The following TEX14 variants were observed in gnomAD, a reference collection of about 807,000 sequenced individuals.
The protein encoded by TEX14 is inactive serine/threonine-protein kinase TEX14.
Under a neutral mutation model 178.6 loss-of-function variants are expected in TEX14, and 168 were observed. The ratio of observed to expected loss-of-function variants is 0.94; its 90% CI spans 0.83 to 1.07. The LOEUF (loss-of-function observed/expected upper bound fraction) is 1.07. Among genes scored for constraint, TEX14 ranks in the 50% least tolerant of loss-of-function variants. The probability of loss-of-function intolerance (pLI) is 0.00; values close to 1 mark genes in which losing one functional copy is unlikely to be tolerated. For missense variants in TEX14, 1,730 were observed against 1,753.6 expected (o/e 0.99, Z 0.24); for synonymous variants, 626 against 634.1 (o/e 0.99, Z 0.19).
At chr17:58,588,455 G>A (rs537166697) in intron 15 of TEX14, among the ~76,000 whole-genome samples, 28 of 152,150 alleles carry the variant, frequency 1.8e-4, no homozygotes, top group East Asian at 1.4e-3. Context: ...CACCATGCCC[G>A]GCTAGTTTTT....
rs200084926 is a variant in TEX14, at chr17:58,635,434, T to TTA, written c.137-4881_137-4880insTA. On this transcript the variant is annotated intron_variant, in intron 2 of 31. Coordinates refer to ENST00000349033, the MANE Select transcript of TEX14 (RefSeq NM_031272.5). ...GGCCTCCAAGGGCTTCTCTCTTTTT[T>TTA]TTTTTTTTTTTTTGAGACAGAGTCT... Among the ~76,000 whole-genome samples the TTA allele has an allele frequency of 2.3e-3, 348 of 150,566 alleles. 16 individuals carry two copies. In the East Asian group the frequency reaches 0.056, roughly 24 times the overall value.
intron 11 of TEX14, among the ~76,000 whole-genome samples, chr17:58,603,040 T>G (rs2045500379): frequency 6.6e-6 from 1 of 151,186 alleles, no homozygotes; most frequent in African/African-American, 2.4e-5. Context: ...CACTCCAGCC[T>G]AGCAACAAAA....
chr17:58,633,750 C>A (rs540772607), intron 2 of TEX14, among the ~76,000 whole-genome samples: 1 of 152,094 alleles, frequency 6.6e-6, no homozygotes, highest in Non-Finnish European at 1.5e-5. Flanking sequence ...AGGTGAATCA[C>A]AAGGTCAGGA....
At chr17:58,642,547 T>A (rs900704995) in intron 2 of TEX14, among the ~76,000 whole-genome samples, 10 of 151,792 alleles carry the variant, frequency 6.6e-5, no homozygotes, top group South Asian at 2.1e-4. Flanking sequence ...TTTTTTTTTT[T>A]ATGGAGTTTC....
chr17:58,573,255 G>T lies in TEX14; in HGVS notation c.3437C>A (p.Ser1146Tyr), dbSNP rs748214170. The T allele has an allele frequency of 6.2e-7, 1 of 1,614,110 alleles. No homozygotes were observed. The highest frequency in any genetic ancestry group is 1.1e-5 in the South Asian group (1 of 91,072). The change falls in exon 23 of 32, where the codon TCT becomes TAT. Residue 1146 changes from serine (S) to tyrosine (Y), a missense_variant. Transcript: ENST00000349033. ...LSSISYEPDS[S>Y]FKEASCKTPK... Reference sequence around the variant, plus strand: ...TGTTTTGCATGAAGCTTCCTTAAAAGAGCTGTCTGGTTCATAGGAGATACT... The same window carrying T: ...TGTTTTGCATGAAGCTTCCTTAAAATAGCTGTCTGGTTCATAGGAGATACT...
Position 58,579,707 on chromosome 17 carries a change from A to C in TEX14, c.3196T>G (p.Phe1066Val). 1 of 1,614,052 alleles carries C rather than the reference A, an allele frequency of 6.2e-7. No individual in the cohort carries two copies. Among genetic ancestry groups the C allele is most frequent in the South Asian group, 1.1e-5 (1 of 91,058 alleles). ...GCAAATGCACCTTGTATTCCTTCAA[A>C]GTCCTCTTCTATGGGACTCGAGGTC... is the stretch of plus-strand genomic sequence containing the variant. ...YSTSSPIEED[F>V]EGIQGAFAQP... Residue 1066 changes from phenylalanine to valine, a missense_variant, in exon 20 of 32, where the codon TTT (phenylalanine) becomes GTT (valine). Physicochemically the swap from Phe to Val is conservative, Grantham distance 50 (BLOSUM62 -1). Around this residue, in one of 2 missense-constraint regions of TEX14, gnomAD observed 941 missense variants for 1,072.4 expected, o/e 0.88. Coordinates refer to ENST00000349033, the MANE Select transcript of TEX14 (RefSeq NM_031272.5).
chr17:58,564,976 C>A lies in TEX14; in HGVS notation c.3965-8G>T. 6.6e-7 allele frequency: 1 copy of A among 1,526,346 alleles called. No homozygotes were observed. 94.6% of individuals were successfully genotyped at this position (1,526,346 alleles called of 1,614,324 possible). On this transcript the variant is annotated splice_polypyrimidine_tract_variant and splice_region_variant and intron_variant, in intron 27 of 31. Coordinates refer to ENST00000349033, the MANE Select transcript of TEX14 (RefSeq NM_031272.5). ...CTTCTAAGTGCCTTTGATCTAAAAA[C>A]AGTTGAAAGAATTAACTTTATTAGA... is the stretch of plus-strand genomic sequence containing the variant.
At chr17:58,626,594 C>G (rs1272214000) in intron 3 of TEX14, among the ~76,000 whole-genome samples, 1 of 139,272 alleles carries the variant, frequency 7.2e-6, no homozygotes, top group Non-Finnish European at 1.5e-5. Flanking sequence ...AAAAAAAAAG[C>G]CTCCTGGCTG....
At chr17:58,679,591 G>GA (rs1265557184) in intron 1 of TEX14, 5 of 152,226 alleles carry the variant, frequency 3.3e-5, no homozygotes, top group African/African-American at 1.2e-4. Context: ...CACATTTGTA[G>GA]AAAACCACAG....
intron 18 of TEX14, 62 bp from the exon 19 acceptor site, chr17:58,584,662 G>A: frequency 1.5e-6 from 2 of 1,303,054 alleles, no homozygotes; most frequent in South Asian, 2.4e-5. Context: ...ACATGGAAGA[G>A]GATAAAGGTG....
intron 5 of TEX14, among the ~76,000 whole-genome samples, 181 bp from the exon 6 acceptor site, chr17:58,617,800 C>T (rs748760839): frequency 2.0e-5 from 3 of 152,214 alleles, no homozygotes; most frequent in Non-Finnish European, 4.4e-5. Flanking sequence ...TTCTCACTTA[C>T]CGGTATGCAT....
chr17:58,588,305 T>G (rs914988638), intron 15 of TEX14, among the ~76,000 whole-genome samples: 1 of 152,036 alleles, frequency 6.6e-6, no homozygotes, highest in Non-Finnish European at 1.5e-5. Context: ...ACAATAACAT[T>G]TGTAGTTGTT....
rs1348554562 is a variant in TEX14 at position 58,602,445 on chromosome 17, A to C, written c.1482T>G (p.Thr494=). The part of the protein sequence containing the change: ...SGIHVKQKDR[T]MNLQDIRYIL... ...TATACCGGATATCTTGAAGGTTCAT[A>C]GTTCGGTCTTTCTGCTTGACGTGGA... is the stretch of plus-strand genomic sequence containing the variant. The change falls in exon 12 of 32, where the codon ACT becomes ACG. Residue 494 remains threonine, a synonymous_variant. Transcript: ENST00000349033. The C allele has an allele frequency of 2.5e-6, 4 of 1,613,942 alleles. No individual in the cohort carries two copies. In the Admixed American group the frequency reaches 6.7e-5, roughly 27 times the overall value.
At position 58,598,857 on chromosome 17, in the gene TEX14, C is replaced by A; in HGVS notation, c.2469+19G>T. On this transcript the variant is annotated intron_variant, in intron 14 of 31. Transcript: ENST00000349033. ...TTCCTGGATCTTTTGCCAAAATGTC[C>A]CCCTTGAAAGTCTCTTACCATTCTT... is the stretch of plus-strand genomic sequence containing the variant. 6.4e-7 allele frequency: 1 copy of A among 1,561,114 alleles called. No homozygotes were observed. The highest frequency in any genetic ancestry group is 8.6e-7 in the Non-Finnish European group (1 of 1,156,670).
intron 2 of TEX14, among the ~76,000 whole-genome samples, chr17:58,642,944 G>T (rs1269889487): frequency 1.3e-5 from 2 of 152,064 alleles, no homozygotes; most frequent in African/African-American, 4.8e-5. Context: ...AATCATCCTT[G>T]TATGGGCCTC....
chr17:58,658,950 A>T (rs1198366165), intron 1 of TEX14, among the ~76,000 whole-genome samples: 1 of 151,744 alleles, frequency 6.6e-6, no homozygotes, highest in African/African-American at 2.4e-5. Context: ...TGCGTACCAC[A>T]TCAGTCTGGC....
chr17:58,633,086 A>G (rs994029253), intron 2 of TEX14, among the ~76,000 whole-genome samples: 3 of 151,886 alleles, frequency 2.0e-5, no homozygotes, highest in African/African-American at 7.3e-5. Context: ...CTCCAGCCAC[A>G]CTCTGGCCTT....
In TEX14 at chr17:58,581,658, C is replaced by T. The variant is rs115770790; in HGVS notation, c.3172-1927G>A. On this transcript the variant is annotated intron_variant, in intron 19 of 31. Transcript: ENST00000349033. ...GCAGTCGAGGAGTAAAAATATTCAC[C>T]GTCTGGAGTTAAAAATTCATCTGTT... 96 of 1,613,782 alleles carry T rather than the reference C, an allele frequency of 5.9e-5. No individual in the cohort carries two copies. In the African/African-American group the frequency reaches 1.0e-3, roughly 17 times the overall value.
In TEX14 at chr17:58,616,310, A is replaced by T; in HGVS notation, c.637-5T>A. On this transcript the variant is annotated splice_polypyrimidine_tract_variant and splice_region_variant and intron_variant, in intron 6 of 31. Transcript: ENST00000349033. ...TGTCGCCCCAGTAAGATAAAACTGA[A>T]ACCAAGGCATAGCCTCAAATTATGG... 6.2e-7 allele frequency: 1 copy of T among 1,611,444 alleles called. No individual in the cohort carries two copies. Among genetic ancestry groups the T allele is most frequent in the South Asian group, 1.1e-5 (1 of 90,426 alleles).
Sources: gnomAD v4.1 joint callset for allele counts (sites outside exome capture counted in the v4.1 genomes callset) on GRCh38, gnomAD v4.1.1 for gene constraint, gnomAD v4.1.1 regional missense constraint, MANE v1.5 for transcripts, NCBI Gene and HGNC (gene_info 2026-07-23, HGNC 2026-07-21) for gene names.